GNB1L: variants seen among roughly 807,000 people sequenced by gnomAD.
The protein encoded by GNB1L is G protein subunit beta 1 like.
Under a neutral mutation model 29.1 loss-of-function variants are expected in GNB1L, and 20 were observed. The observed-to-expected ratio is 0.69, with a 90% CI of 0.48 to 1.00. The LOEUF (loss-of-function observed/expected upper bound fraction) is 1.00. Among genes scored for constraint, GNB1L ranks in the 50% least tolerant of loss-of-function variants. The pLI is 0.00. For missense variants in GNB1L, 421 were observed against 464.9 expected, an observed-to-expected ratio of 0.91 and a Z score of 0.87; for synonymous variants, 193 against 206.5, an observed-to-expected ratio of 0.93 and a Z score of 0.56.
chr22:19,806,564 T>A (rs1937437047), intron 6 of GNB1L, 95 bp downstream of exon 6: 5 of 763,044 alleles, frequency 6.6e-6, no homozygotes, highest in Non-Finnish European at 1.1e-5. Flanking sequence ...GGGTGTTGCC[T>A]GAGTGGCTCG....
chr22:19,821,177 A>T (rs1601336481), intron 3 of GNB1L, 51 bp downstream of exon 3: 1 of 1,560,666 alleles, frequency 6.4e-7, no homozygotes, highest in East Asian at 2.3e-5. Context: ...CTAGCTCACG[A>T]CCTCCTGACT....
chr22:19,810,593 G>A (rs1480621500), intron 5 of GNB1L, among the ~76,000 whole-genome samples: 1 of 152,188 alleles, frequency 6.6e-6, no homozygotes. Context: ...GCCTGTACTT[G>A]GAGCCTCCTA....
Position 19,796,766 on chromosome 22 carries a change from AGG to A in GNB1L, c.732+5233_732+5234del, listed in dbSNP as rs1194793448. On this transcript the variant is annotated intron_variant, in intron 7 of 7. Coordinates refer to ENST00000329517, the MANE Select transcript of GNB1L (RefSeq NM_053004.3). ...AAACAGGCTCCATGTGGGGCTGGCAAGGGAAGGCTGAGTGCCGATGGGCTGTG... is the reference window on the plus strand; with the variant it reads ...AAACAGGCTCCATGTGGGGCTGGCAAGAAGGCTGAGTGCCGATGGGCTGTG... Among the ~76,000 whole-genome samples, 4 of 152,304 alleles carry A rather than the reference AGG, an allele frequency of 2.6e-5. No homozygotes were observed. The East Asian group carries it at 5.8e-4, about 22-fold the overall frequency.
intron 2 of GNB1L, among the ~76,000 whole-genome samples, chr22:19,835,385 AAAAC>A (rs1185822743): frequency 1.2e-4 from 18 of 149,642 alleles, no homozygotes; most frequent in African/African-American, 2.7e-4. Flanking sequence ...AAAAAAAAAA[AAAAC>A]AAACAAACAA....
rs12159234 is a variant in GNB1L, at chr22:19,797,031, G to C, written c.732+4970C>G. Among the ~76,000 whole-genome samples, 346 of 152,286 alleles carry C rather than the reference G, an allele frequency of 2.3e-3. 1 individual carries two copies. Among genetic ancestry groups the C allele is most frequent in the African/African-American group, 8.0e-3 (334 of 41,544 alleles). On this transcript the variant is annotated intron_variant, in intron 7 of 7. Transcript: ENST00000329517. ...AACCTTCAGGATTTGTATGCCCACAGACAAATTCCTAGAAAAATTCCCCAA... is the reference window on the plus strand; with the variant it reads ...AACCTTCAGGATTTGTATGCCCACACACAAATTCCTAGAAAAATTCCCCAA...
chr22:19,788,590 TG>T lies in GNB1L; in HGVS notation c.*118del. The T allele has an allele frequency of 7.9e-7, 1 of 1,272,816 alleles. No individual in the cohort carries two copies. Among genetic ancestry groups the T allele is most frequent in the Non-Finnish European group, 1.2e-6 (1 of 869,302 alleles). The allele number at this position is 1,272,816 out of a possible 1,614,324, so 78.8% of individuals were successfully genotyped here. A position where few individuals can be genotyped will look rare whatever the true frequency, so the allele number is the denominator to read the frequency against. ...CCTCATGAAGACAGCGGGGACTCCATGGTCCTTGGGCCATGACTTGCTGGTC... is the reference window on the plus strand; with the variant it reads ...CCTCATGAAGACAGCGGGGACTCCATGTCCTTGGGCCATGACTTGCTGGTC... On this transcript the variant is annotated 3_prime_UTR_variant, in exon 8 of 8. Transcript: ENST00000329517.
intron 7 of GNB1L, among the ~76,000 whole-genome samples, chr22:19,795,151 T>C (rs1254657282): frequency 6.6e-6 from 1 of 152,006 alleles, no homozygotes; most frequent in East Asian, 1.9e-4. Flanking sequence ...ACAAAGAGCA[T>C]TAACAAGAGA....
chr22:19,841,870 G>A (rs762427972), intron 2 of GNB1L, among the ~76,000 whole-genome samples: 7 of 152,158 alleles, frequency 4.6e-5, no homozygotes, highest in Admixed American at 6.5e-5. Context: ...CCACTGTTGC[G>A]CTTCACCAGC....
intron 2 of GNB1L, chr22:19,849,538 T>C: frequency 2.8e-6 from 1 of 358,492 alleles, no homozygotes; most frequent in Non-Finnish European, 3.9e-6. Context: ...TTGGCTAATT[T>C]TGTATTTTTA....
At chr22:19,802,813 G>A (rs1002722245) in intron 6 of GNB1L, among the ~76,000 whole-genome samples, 8 of 152,254 alleles carry the variant, frequency 5.3e-5, no homozygotes, top group African/African-American at 1.4e-4. Flanking sequence ...TGAGCCGCCC[G>A]AGCTCTTGTG....
chr22:19,846,326 G>T, intron 2 of GNB1L: 1 of 690,052 alleles, frequency 1.4e-6, no homozygotes, highest in Non-Finnish European at 1.8e-6. Context: ...GGGAATACAG[G>T]ATAATGCCTT....
chr22:19,797,068 T>C (rs1937314564), intron 7 of GNB1L, among the ~76,000 whole-genome samples: 1 of 152,110 alleles, frequency 6.6e-6, no homozygotes, highest in South Asian at 2.1e-4. Flanking sequence ...TCAGGAAACC[T>C]AAATTAGTCC....
At chr22:19,792,365 T>C in intron 7 of GNB1L, 1 of 1,365,462 alleles carries the variant, frequency 7.3e-7, no homozygotes, top group South Asian at 1.2e-5. Flanking sequence ...AGCAGGAGGC[T>C]AAGAAAGTGG....
rs999405555 is a variant in GNB1L, at chr22:19,784,574, T to G, written c.*4135A>C. ...TGGCGGCGCAACGCTGGGTGAGTGC[T>G]GCCCGCCCGCGGATGGGGTGCTGGC... On this transcript the variant is annotated 3_prime_UTR_variant, in exon 8 of 8. Transcript: ENST00000329517. 1 of 152,440 alleles carries G rather than the reference T, an allele frequency of 6.6e-6. No homozygotes were observed. Among genetic ancestry groups the G allele is most frequent in the Admixed American group, 6.5e-5 (1 of 15,292 alleles). The allele number at this position is 152,440 out of a possible 1,614,324, so 9.4% of individuals were successfully genotyped here.
At chr22:19,823,930 ACAGCACGGCGGCCTTGGGCGGTGCCAG>A (rs1937599194) in intron 2 of GNB1L, among the ~76,000 whole-genome samples, 1 of 152,196 alleles carries the variant, frequency 6.6e-6, no homozygotes, top group Admixed American at 6.5e-5. Flanking sequence ...ACACACACAG[ACAGCACGGCGGCCTTGGGCGGTGCCAG>A]CCGAAGCCCG....
intron 2 of GNB1L, among the ~76,000 whole-genome samples, chr22:19,837,306 A>G (rs1305487909): frequency 3.3e-5 from 5 of 152,226 alleles, no homozygotes; most frequent in Non-Finnish European, 7.3e-5. Context: ...CAATCTATAC[A>G]GATGGGGAAA....
chr22:19,847,452 G>A, intron 2 of GNB1L: 3 of 985,438 alleles, frequency 3.0e-6, no homozygotes, highest in Middle Eastern at 1.0e-3. Flanking sequence ...CCCCAGCCAA[G>A]GCACTGCATG....
At chr22:19,812,535 T>C (rs1937510189) in intron 4 of GNB1L, 88 bp from the exon 5 acceptor site, 37 of 1,304,308 alleles carry the variant, frequency 2.8e-5, no homozygotes, top group Non-Finnish European at 3.9e-5. Context: ...GGCAAGGCCA[T>C]GTTTCCAGAG....
At chr22:19,809,154 TA>T (rs1361722593) in intron 5 of GNB1L, among the ~76,000 whole-genome samples, 2 of 151,474 alleles carry the variant, frequency 1.3e-5, no homozygotes, top group Non-Finnish European at 2.9e-5. Flanking sequence ...TCTGTGCCTT[TA>T]AAAACCCCCA....
Sources: gnomAD v4.1 joint callset for allele counts (sites outside exome capture counted in the v4.1 genomes callset) on GRCh38, gnomAD v4.1.1 for gene constraint, MANE v1.5 for transcripts, NCBI Gene and HGNC (gene_info 2026-07-23, HGNC 2026-07-21) for gene names.